The following AMER3 variants were observed in gnomAD, a reference collection of about 807,000 sequenced individuals.
AMER3 encodes the protein APC membrane recruitment protein 3, also known as family with sequence similarity 123C.
For missense variants in AMER3, 1,201 were observed against 1,139.4 expected (o/e 1.05, Z -0.78); for synonymous variants, 541 against 485.5 (o/e 1.11, Z -1.50).
rs981332108 is a variant in AMER3, at chr2:130,766,954, G to A, written c.*2296G>A. 1 of 166,968 alleles carries A rather than the reference G, an allele frequency of 6.0e-6. No individual in the cohort carries two copies. Among genetic ancestry groups the A allele is most frequent in the Non-Finnish European group, 1.5e-5 (1 of 68,116 alleles). The allele number at this position is 166,968 out of a possible 1,614,324, so 10.3% of individuals were successfully genotyped here. ...GCCATGGATGGCCAAATGCTTTTTG[G>A]GAAGAAGCCAATGGATTCTCCTCGG... On this transcript the variant is annotated 3_prime_UTR_variant, in exon 2 of 2. Coordinates refer to ENST00000321420, the MANE Select transcript of AMER3 (RefSeq NM_152698.3).
Position 130,763,006 on chromosome 2 carries a change from A to G in AMER3, c.934A>G (p.Ser312Gly). The G allele has an allele frequency of 1.9e-6, 3 of 1,613,254 alleles. No homozygotes were observed. The highest frequency in any genetic ancestry group is 1.3e-5 in the African/African-American group (1 of 74,984). The change falls in exon 2 of 2, where the codon AGT (serine) becomes GGT (glycine). Residue 312 changes from serine (S) to glycine (G), a missense_variant. Physicochemically the swap from Ser to Gly is moderately conservative, Grantham distance 56. Coordinates refer to ENST00000321420, the MANE Select transcript of AMER3 (RefSeq NM_152698.3). ...CTCTGACTTCACCAGGTTCTGGGACAGTGTGAATCGCTCAGTGCGTCAGCA... is the reference window on the plus strand; with the variant it reads ...CTCTGACTTCACCAGGTTCTGGGACGGTGTGAATCGCTCAGTGCGTCAGCA... ...EASDFTRFWD[S>G]VNRSVRQQQR...
At chr2:130,757,497 T>G (rs1025439808) in intron 1 of AMER3, among the ~76,000 whole-genome samples, 32 of 152,320 alleles carry the variant, frequency 2.1e-4, no homozygotes, top group African/African-American at 7.0e-4. Flanking sequence ...CGGCCCTCGC[T>G]GAGACCTCAG....
Position 130,766,354 on chromosome 2 carries a change from C to T in AMER3, c.*1696C>T, listed in dbSNP as rs995043146. 6 of 166,984 alleles carry T rather than the reference C, an allele frequency of 3.6e-5. No individual in the cohort carries two copies. The highest frequency in any genetic ancestry group is 1.4e-4 in the African/African-American group (6 of 41,436). 10.3% of individuals were successfully genotyped at this position (166,984 alleles called of 1,614,324 possible). A position where few individuals can be genotyped will look rare whatever the true frequency, so the allele number is the denominator to read the frequency against. The stretch of plus-strand genomic sequence containing the variant: ...GCTGAGGGCCTGAAGGGCGTCCCCT[C>T]AGGAACATTGTATTACTGTTTTGTG... On this transcript the variant is annotated 3_prime_UTR_variant, in exon 2 of 2. Transcript: ENST00000321420.
rs1259155627 is a variant in AMER3 at position 130,764,768 on chromosome 2, T to TG, written c.*116dup. 3.9e-6 allele frequency: 4 copies of TG among 1,036,824 alleles called. No homozygotes were observed. Among genetic ancestry groups the TG allele is most frequent in the East Asian group, 3.2e-5 (1 of 31,650 alleles). 64.2% of individuals were successfully genotyped at this position (1,036,824 alleles called of 1,614,324 possible). On this transcript the variant is annotated 3_prime_UTR_variant, in exon 2 of 2. Coordinates refer to ENST00000321420, the MANE Select transcript of AMER3 (RefSeq NM_152698.3). ...CCTGATGTGGGGACTGTGTTGGGGG[T>TG]GGGGGGTGGCAGGACTCAGGCATGC...
intron 1 of AMER3, among the ~76,000 whole-genome samples, chr2:130,761,097 C>T (rs909661986): frequency 5.3e-5 from 8 of 152,192 alleles, no homozygotes; most frequent in African/African-American, 1.9e-4. Context: ...GTCCTCCACT[C>T]GGAGGTCAGG....
rs116375837 is a variant in AMER3 at position 130,761,860 on chromosome 2, C to G, written c.-19-194C>G. 5.3e-3 allele frequency among the ~76,000 whole-genome samples: 806 copies of G among 152,282 alleles called. 6 individuals are homozygous for G. Among genetic ancestry groups the G allele is most frequent in the African/African-American group, 0.018 (742 of 41,548 alleles). Reference sequence around the variant, plus strand: ...TCATGGGTGCAGCAGTCACCAGGCCCCAGGCAGCTCTCATTTTGGCTCCTA... The same window carrying G: ...TCATGGGTGCAGCAGTCACCAGGCCGCAGGCAGCTCTCATTTTGGCTCCTA... On this transcript the variant is annotated intron_variant, in intron 1 of 1. Transcript: ENST00000321420.
At chr2:130,759,264 A>T (rs948118973) in intron 1 of AMER3, among the ~76,000 whole-genome samples, 2 of 152,236 alleles carry the variant, frequency 1.3e-5, no homozygotes, top group African/African-American at 4.8e-5. Context: ...TAGCAATGAC[A>T]GTTATTTTAA....
chr2:130,766,267 A>T lies in AMER3; in HGVS notation c.*1609A>T, dbSNP rs1296213311. On this transcript the variant is annotated 3_prime_UTR_variant, in exon 2 of 2. Coordinates refer to ENST00000321420, the MANE Select transcript of AMER3 (RefSeq NM_152698.3). ...AGCCGACCTTAGGAGGGCCCACTGA[A>T]CCGGCCTCAATCTGGCCCCAGTCTG... 6.0e-6 allele frequency: 1 copy of T among 167,038 alleles called. No individual in the cohort carries two copies. The highest frequency in any genetic ancestry group is 1.5e-5 in the Non-Finnish European group (1 of 68,160). The allele number at this position is 167,038 out of a possible 1,614,324, so 10.3% of individuals were successfully genotyped here.
At position 130,763,153 on chromosome 2, in the gene AMER3, G is replaced by C. The variant is rs367830628; in HGVS notation, c.1081G>C (p.Gly361Arg). 1.7e-5 allele frequency: 27 copies of C among 1,613,336 alleles called. No homozygotes were observed. Among genetic ancestry groups the C allele is most frequent in the African/African-American group, 6.7e-5 (5 of 74,902 alleles). Reference protein sequence around the residue: ...PLCPCRDPRSGSKASSIDTGT... With the variant: ...PLCPCRDPRSRSKASSIDTGT... ...CTGCCCCTGCAGGGACCCTCGCAGC[G>C]GCTCCAAAGCCAGCTCCATCGACAC... The change falls in exon 2 of 2, where the codon GGC becomes CGC. Residue 361 changes from glycine to arginine, a missense_variant. By Grantham distance (125) the Gly-to-Arg change is moderately radical (BLOSUM62 -2). Coordinates refer to ENST00000321420, the MANE Select transcript of AMER3 (RefSeq NM_152698.3).
At position 130,765,626 on chromosome 2, in the gene AMER3, T is replaced by G. The variant is rs1031292239; in HGVS notation, c.*968T>G. 6.0e-6 allele frequency: 1 copy of G among 167,002 alleles called. No homozygotes were observed. Among genetic ancestry groups the G allele is most frequent in the African/African-American group, 2.4e-5 (1 of 41,448 alleles). 10.3% of individuals were successfully genotyped at this position (167,002 alleles called of 1,614,324 possible). On this transcript the variant is annotated 3_prime_UTR_variant, in exon 2 of 2. Coordinates refer to ENST00000321420, the MANE Select transcript of AMER3 (RefSeq NM_152698.3). The stretch of plus-strand genomic sequence containing the variant: ...CAGTCAACCTGGGATGCCGGCAGGG[T>G]GGCTCAGGACGAAAGCCTCAGGACC...
Position 130,764,767 on chromosome 2 carries a change from G to T in AMER3, c.*109G>T. 2 of 1,335,196 alleles carry T rather than the reference G, an allele frequency of 1.5e-6. No individual in the cohort carries two copies. Among genetic ancestry groups the T allele is most frequent in the South Asian group, 3.1e-5 (2 of 64,934 alleles). The allele number at this position is 1,335,196 out of a possible 1,614,324, so 82.7% of individuals were successfully genotyped here. A position where few individuals can be genotyped will look rare whatever the true frequency, so the allele number is the denominator to read the frequency against. ...CCCTGATGTGGGGACTGTGTTGGGG[G>T]TGGGGGGTGGCAGGACTCAGGCATG... On this transcript the variant is annotated 3_prime_UTR_variant, in exon 2 of 2. Coordinates refer to ENST00000321420, the MANE Select transcript of AMER3 (RefSeq NM_152698.3).
At position 130,767,128 on chromosome 2, in the gene AMER3, T is replaced by C. The variant is rs1679005490; in HGVS notation, c.*2470T>C. On this transcript the variant is annotated 3_prime_UTR_variant, in exon 2 of 2. Transcript: ENST00000321420. Reference sequence around the variant, plus strand: ...TGCAGCACCCCGACATTCAGAACCATGAAGGGAGAAGGTGGCTGGTGTCTG... The same window carrying C: ...TGCAGCACCCCGACATTCAGAACCACGAAGGGAGAAGGTGGCTGGTGTCTG... The C allele has an allele frequency of 6.0e-6, 1 of 166,920 alleles. No homozygotes were observed. Among genetic ancestry groups the C allele is most frequent in the African/African-American group, 2.4e-5 (1 of 41,378 alleles). 10.3% of individuals were successfully genotyped at this position (166,920 alleles called of 1,614,324 possible). A position where few individuals can be genotyped will look rare whatever the true frequency, so the allele number is the denominator to read the frequency against.
Position 130,765,810 on chromosome 2 carries a change from C to T in AMER3, c.*1152C>T, listed in dbSNP as rs1174359064. 1 of 167,018 alleles carries T rather than the reference C, an allele frequency of 6.0e-6. No homozygotes were observed. The highest frequency in any genetic ancestry group is 1.5e-5 in the Non-Finnish European group (1 of 68,124). The allele number at this position is 167,018 out of a possible 1,614,324, so 10.3% of individuals were successfully genotyped here. A position where few individuals can be genotyped will look rare whatever the true frequency, so the allele number is the denominator to read the frequency against. ...GGGCCTCAGCAGATTGAATGCTGCC[C>T]ACCAACATTGAGGGTGGATCTTCCA... On this transcript the variant is annotated 3_prime_UTR_variant, in exon 2 of 2. Transcript: ENST00000321420.
rs1482884205 is a variant in AMER3 at position 130,764,519 on chromosome 2, CTTTGAACAGCCAGCA to C, written c.2448_2462del (p.Leu817_Gln821del). The C allele has an allele frequency of 6.2e-7, 1 of 1,603,058 alleles. No homozygotes were observed. Among genetic ancestry groups the C allele is most frequent in the Non-Finnish European group, 8.5e-7 (1 of 1,175,498 alleles). ...CACCATCCAGAAAGCCTGGGCCTCA[CTTTGAACAGCCAGCA>C]GGAAGGGGGGGTCTCTGCAAGTGCC... On this transcript the variant is annotated inframe_deletion, in exon 2 of 2. Transcript: ENST00000321420.
Position 130,766,876 on chromosome 2 carries a change from C to T in AMER3, c.*2218C>T, listed in dbSNP as rs1172287605. 1.2e-5 allele frequency: 2 copies of T among 167,054 alleles called. No individual in the cohort carries two copies. Among genetic ancestry groups the T allele is most frequent in the Admixed American group, 6.5e-5 (1 of 15,280 alleles). The allele number at this position is 167,054 out of a possible 1,614,324, so 10.3% of individuals were successfully genotyped here. The stretch of plus-strand genomic sequence containing the variant: ...ATGGGCAGTGCTAGATTATTTGTCA[C>T]GAATCATCCCCTACAAACAATGATT... On this transcript the variant is annotated 3_prime_UTR_variant, in exon 2 of 2. Coordinates refer to ENST00000321420, the MANE Select transcript of AMER3 (RefSeq NM_152698.3).
In AMER3 at chr2:130,762,763, T is replaced by C; in HGVS notation, c.691T>C (p.Cys231Arg). The change falls in exon 2 of 2, where the codon TGC becomes CGC. Residue 231 changes from cysteine (C) to arginine (R), a missense_variant. By Grantham distance (180) the Cys-to-Arg change is radical. Transcript: ENST00000321420. ...ELLADASFGL[C>R]RALCEDVASL... ...CCTGGCCGATGCATCCTTTGGTCTC[T>C]GCAGGGCCCTGTGTGAGGACGTGGC... 6.2e-7 allele frequency: 1 copy of C among 1,611,510 alleles called. No homozygotes were observed. Among genetic ancestry groups the C allele is most frequent in the Non-Finnish European group, 8.5e-7 (1 of 1,178,646 alleles).
chr2:130,764,686 A>G lies in AMER3; in HGVS notation c.*28A>G, dbSNP rs752390736. 1.4e-5 allele frequency: 22 copies of G among 1,547,600 alleles called. No homozygotes were observed. In the African/African-American group the frequency reaches 2.2e-4, roughly 16 times the overall value. The stretch of plus-strand genomic sequence containing the variant: ...CAGGCTCACATGCACCAGGAACTGC[A>G]TGTGTCTTCATGACCACTTTCAGGA... On this transcript the variant is annotated 3_prime_UTR_variant, in exon 2 of 2. Transcript: ENST00000321420.
chr2:130,759,053 G>A (rs1004752846), intron 1 of AMER3, among the ~76,000 whole-genome samples: 1 of 152,234 alleles, frequency 6.6e-6, no homozygotes, highest in Non-Finnish European at 1.5e-5. Context: ...CATTTCCAAA[G>A]AGACAGGTTC....
In AMER3 at chr2:130,762,340, C is replaced by G; in HGVS notation, c.268C>G (p.Arg90Gly). 1 of 1,611,188 alleles carries G rather than the reference C, an allele frequency of 6.2e-7. No homozygotes were observed. Among genetic ancestry groups the G allele is most frequent in the Non-Finnish European group, 8.5e-7 (1 of 1,179,246 alleles). ...CTGTGGAGCCACCTTCAAACCGGTG[C>G]GAAAGTGCAAGACTCACGACAGCAT... ...ALCGATFKPV[R>G]KCKTHDSMSG... The change falls in exon 2 of 2, where the codon CGA becomes GGA. Residue 90 changes from arginine (R) to glycine (G), a missense_variant. Physicochemically the swap from Arg to Gly is moderately radical, Grantham distance 125 (BLOSUM62 -2). Transcript: ENST00000321420.
Sources: gnomAD v4.1 joint callset for allele counts (sites outside exome capture counted in the v4.1 genomes callset) on GRCh38, gnomAD v4.1.1 for gene constraint, MANE v1.5 for transcripts, NCBI Gene and HGNC (gene_info 2026-07-23, HGNC 2026-07-21) for gene names.